The following UBAP2 variants were observed in gnomAD, a reference collection of about 807,000 sequenced individuals.
UBAP2 encodes ubiquitin associated protein 2, also known as ubiquitin-associated protein 2.
In UBAP2, 75 loss-of-function variants were observed where a neutral mutation model predicts 139.6. The ratio of observed to expected loss-of-function variants is 0.54; its 90% confidence interval spans 0.45 to 0.65. The LOEUF (loss-of-function observed/expected upper bound fraction) is 0.65. Among genes scored for constraint, UBAP2 ranks in the 30% least tolerant of loss-of-function variants. UBAP2 has a pLI of 0.00. For missense variants in UBAP2, 1,368 were observed against 1,369.6 expected (o/e 1.00, Z 0.02); for synonymous variants, 526 against 526.2 (o/e 1.00, Z 0.01).
chr9:33,962,731 T>C (rs919086755), intron 9 of UBAP2, among the ~76,000 whole-genome samples: 4 of 151,208 alleles, frequency 2.6e-5, no homozygotes, highest in African/African-American at 9.7e-5. Context: ...AATTGCAGCA[T>C]TTCGGGAGGC....
chr9:34,016,281 A>AGAGGAGGAGGAGGAAGAG (rs1824289620), intron 2 of UBAP2, among the ~76,000 whole-genome samples: 3 of 23,310 alleles, frequency 1.3e-4, no homozygotes, highest in Non-Finnish European at 2.7e-4. Context: ...AGAAGGAGGA[A>AGAGGAGGAGGAGGAAGAG]GAGGAGGAGG....
intron 1 of UBAP2, among the ~76,000 whole-genome samples, chr9:34,030,999 T>C (rs968759687): frequency 1.3e-5 from 2 of 151,738 alleles, no homozygotes; most frequent in Non-Finnish European, 2.9e-5. Flanking sequence ...AATCCCAGCA[T>C]TTTGGGAGGC....
chr9:34,009,544 G>C (rs1422696386), intron 2 of UBAP2, among the ~76,000 whole-genome samples: 1 of 152,004 alleles, frequency 6.6e-6, no homozygotes, highest in Non-Finnish European at 1.5e-5. Context: ...ACAGGTGTTA[G>C]CCACCATGTC....
At chr9:33,969,921 C>CTTTTTTTTTTTTTTTTTTTTTT (rs1173625005) in intron 8 of UBAP2, among the ~76,000 whole-genome samples, 2 of 46,154 alleles carry the variant, frequency 4.3e-5, no homozygotes, top group African/African-American at 8.9e-5. Flanking sequence ...GTGTATAATT[C>CTTTTTTTTTTTTTTTTTTTTTT]TTTTTTTTTT....
At chr9:33,999,287 T>C (rs1190099446) in intron 2 of UBAP2, among the ~76,000 whole-genome samples, 4 of 148,230 alleles carry the variant, frequency 2.7e-5, no homozygotes, top group African/African-American at 1.0e-4. Flanking sequence ...CTGGGCAACA[T>C]AGAGAGACCC....
chr9:33,951,332 A>ATTTTTT (rs57473520), intron 12 of UBAP2, among the ~76,000 whole-genome samples: 4 of 69,002 alleles, frequency 5.8e-5, no homozygotes, highest in African/African-American at 2.1e-4. Flanking sequence ...CTCCCCAATG[A>ATTTTTT]TTTTTTTTTT....
chr9:33,971,846 C>G, intron 7 of UBAP2, 92 bp from the exon 8 acceptor site: 1 of 739,928 alleles, frequency 1.4e-6, no homozygotes, highest in South Asian at 1.5e-5. Context: ...CAAACAAGCC[C>G]AGTGCCTTCT....
intron 5 of UBAP2, among the ~76,000 whole-genome samples, chr9:33,987,466 T>C (rs753790475): frequency 5.3e-5 from 8 of 151,852 alleles, no homozygotes; most frequent in Non-Finnish European, 1.0e-4. Flanking sequence ...CCAGGTATGG[T>C]TGTGACAGCG....
intron 1 of UBAP2, among the ~76,000 whole-genome samples, chr9:34,037,267 C>A (rs1156420527): frequency 6.6e-6 from 1 of 152,074 alleles, no homozygotes; most frequent in Non-Finnish European, 1.5e-5. Context: ...GGATTACAGG[C>A]GTGAGCCACC....
At chr9:33,974,244 A>G (rs1828125544) in intron 6 of UBAP2, among the ~76,000 whole-genome samples, 1 of 152,180 alleles carries the variant, frequency 6.6e-6, no homozygotes, top group African/African-American at 2.4e-5. Flanking sequence ...ACGGTGGCTC[A>G]TGCCTGGAAT....
At chr9:33,949,464 A>T (rs187389548) in intron 12 of UBAP2, among the ~76,000 whole-genome samples, 201 of 152,250 alleles carry the variant, frequency 1.3e-3, no homozygotes, top group Admixed American at 2.8e-3. Context: ...GCACTTTGGG[A>T]AGCCGAGGTG....
chr9:33,937,989 T>C (rs1429842464), intron 16 of UBAP2, among the ~76,000 whole-genome samples: 2 of 151,326 alleles, frequency 1.3e-5, no homozygotes, highest in Non-Finnish European at 2.9e-5. Context: ...TTTTGGGGGG[T>C]TTCTTTTGTT....
intron 10 of UBAP2, among the ~76,000 whole-genome samples, chr9:33,960,310 A>G (rs1003809606): frequency 6.6e-6 from 1 of 152,076 alleles, no homozygotes; most frequent in Non-Finnish European, 1.5e-5. Context: ...AAGCACAAAA[A>G]CAAATATTCT....
intron 1 of UBAP2, among the ~76,000 whole-genome samples, chr9:34,024,942 C>A (rs1825282697): frequency 6.6e-6 from 1 of 151,982 alleles, no homozygotes; most frequent in South Asian, 2.1e-4. Context: ...CGAGATCATG[C>A]CACTACACTC....
chr9:33,927,529 G>C (rs1194681581), intron 20 of UBAP2, among the ~76,000 whole-genome samples: 1 of 152,156 alleles, frequency 6.6e-6, no homozygotes, highest in Non-Finnish European at 1.5e-5. Flanking sequence ...AGTCATCCCT[G>C]GCCCCTCCAA....
chr9:34,043,687 G>A (rs1827294608), intron 1 of UBAP2, among the ~76,000 whole-genome samples: 1 of 151,790 alleles, frequency 6.6e-6, no homozygotes, highest in South Asian at 2.1e-4. Context: ...ATAGAGACAG[G>A]GTCTCACTAT....
At chr9:33,925,431 A>C (rs1823345811) in intron 22 of UBAP2, among the ~76,000 whole-genome samples, 1 of 152,182 alleles carries the variant, frequency 6.6e-6, no homozygotes, top group South Asian at 2.1e-4. Flanking sequence ...GAGGGATAGA[A>C]AGAGCAACAT....
intron 1 of UBAP2, among the ~76,000 whole-genome samples, chr9:34,023,517 CAACATT>C (rs1564068086): frequency 6.6e-6 from 1 of 152,134 alleles, no homozygotes; most frequent in African/African-American, 2.4e-5. Flanking sequence ...TTCACAGTAT[CAACATT>C]AAGACTATAT....
chr9:33,928,287 C>T (rs956493125), intron 19 of UBAP2: 6 of 349,182 alleles, frequency 1.7e-5, no homozygotes, highest in Admixed American at 4.4e-5. Context: ...TCATGCTTGG[C>T]ATCCAAAATG....
Sources: gnomAD v4.1 joint callset for allele counts (sites outside exome capture counted in the v4.1 genomes callset) on GRCh38, gnomAD v4.1.1 for gene constraint, MANE v1.5 for transcripts, NCBI Gene and HGNC (gene_info 2026-07-23, HGNC 2026-07-21) for gene names.